The following HSD17B2 variants were observed in gnomAD, a reference collection of about 807,000 sequenced individuals.
HSD17B2 encodes the protein 17-beta-hydroxysteroid dehydrogenase type 2.
In HSD17B2, 32 loss-of-function variants were observed where a neutral mutation model predicts 26.9. The observed-to-expected ratio is 1.19, with a 90% CI of 0.90 to 1.60. The LOEUF is 1.60. Among genes scored for constraint, HSD17B2 ranks in the 40% most tolerant of loss-of-function variants. The pLI is 0.00. For missense variants in HSD17B2, 613 were observed against 468.6 expected, an observed-to-expected ratio of 1.31 and a Z score of -2.85; for synonymous variants, 246 against 186.7, an observed-to-expected ratio of 1.32 and a Z score of -2.59.
intron 3 of HSD17B2, 81 bp downstream of exon 3, chr16:82,071,208 A>C (rs1914691193): frequency 7.5e-7 from 1 of 1,335,348 alleles, no homozygotes; most frequent in Non-Finnish European, 1.1e-6. Context: ...GCGAACAAAA[A>C]TGCAGGGCAT....
At chr16:82,063,571 T>C (rs923251934) in intron 1 of HSD17B2, among the ~76,000 whole-genome samples, 2 of 152,162 alleles carry the variant, frequency 1.3e-5, no homozygotes, top group Middle Eastern at 3.2e-3. Context: ...CAGATTTAGT[T>C]AGGAGAGACT....
intron 1 of HSD17B2, among the ~76,000 whole-genome samples, chr16:82,055,936 T>A (rs1163711555): frequency 6.6e-6 from 1 of 152,200 alleles, no homozygotes; most frequent in Non-Finnish European, 1.5e-5. Context: ...CATGGTGGAA[T>A]GAGAAGTGTA....
intron 1 of HSD17B2, among the ~76,000 whole-genome samples, chr16:82,066,642 CTTTT>C (rs1914579145): frequency 6.6e-6 from 1 of 152,144 alleles, no homozygotes. Flanking sequence ...CTTCCAAATT[CTTTT>C]TTATTTTATT....
chr16:82,039,783 C>T (rs74481954), intron 1 of HSD17B2, among the ~76,000 whole-genome samples: 77 of 152,248 alleles, frequency 5.1e-4, no homozygotes, highest in African/African-American at 1.5e-3. Flanking sequence ...ACCGACTCAG[C>T]ATCTACTGTG....
intron 1 of HSD17B2, among the ~76,000 whole-genome samples, chr16:82,038,792 G>A (rs1054005745): frequency 6.6e-6 from 1 of 152,184 alleles, no homozygotes; most frequent in Non-Finnish European, 1.5e-5. Context: ...AGCCAGGTAA[G>A]GGTGAGACAT....
At chr16:82,072,359 A>C (rs1339906889) in intron 3 of HSD17B2, among the ~76,000 whole-genome samples, 2 of 152,190 alleles carry the variant, frequency 1.3e-5, no homozygotes, top group Non-Finnish European at 2.9e-5. Flanking sequence ...TCCTGAGAAA[A>C]CACACAGCAA....
intron 3 of HSD17B2, among the ~76,000 whole-genome samples, chr16:82,074,510 A>G (rs1451068805): frequency 6.6e-6 from 1 of 152,256 alleles, no homozygotes; most frequent in African/African-American, 2.4e-5. Flanking sequence ...GGAAAAAGAT[A>G]TTTCATGCAA....
chr16:82,062,261 C>G (rs1344396401), intron 1 of HSD17B2, among the ~76,000 whole-genome samples: 3 of 152,152 alleles, frequency 2.0e-5, no homozygotes, highest in Admixed American at 6.5e-5. Context: ...TAGTCATTGC[C>G]TGTCCCAAGT....
At chr16:82,066,927 T>C (rs764067423) in intron 1 of HSD17B2, among the ~76,000 whole-genome samples, 2 of 152,232 alleles carry the variant, frequency 1.3e-5, no homozygotes, top group Non-Finnish European at 2.9e-5. Context: ...TTTTATACAG[T>C]GTTGTAAAGA....
chr16:82,076,781 T>C (rs1164897964), intron 3 of HSD17B2, among the ~76,000 whole-genome samples: 1 of 152,170 alleles, frequency 6.6e-6, no homozygotes, highest in South Asian at 2.1e-4. Context: ...GGTTTCATAA[T>C]GTTGGCCAGG....
At chr16:82,037,596 A>G (rs534978530) in intron 1 of HSD17B2, among the ~76,000 whole-genome samples, 26 of 152,368 alleles carry the variant, frequency 1.7e-4, no homozygotes, top group African/African-American at 6.3e-4. Context: ...ATATGAAAAA[A>G]AGAGTAGAAG....
intron 1 of HSD17B2, among the ~76,000 whole-genome samples, chr16:82,067,855 T>C (rs1279907743): frequency 6.6e-6 from 1 of 152,244 alleles, no homozygotes; most frequent in Non-Finnish European, 1.5e-5. Context: ...ATTGGATGCC[T>C]TGGTTTTCCT....
chr16:82,077,120 CA>C (rs1904306631), intron 3 of HSD17B2, among the ~76,000 whole-genome samples: 1 of 152,100 alleles, frequency 6.6e-6, no homozygotes, highest in South Asian at 2.1e-4. Flanking sequence ...CAATGCAATC[CA>C]TATCCAAATA....
intron 1 of HSD17B2, among the ~76,000 whole-genome samples, chr16:82,036,830 G>A (rs1913639008): frequency 6.6e-6 from 1 of 152,078 alleles, no homozygotes; most frequent in Non-Finnish European, 1.5e-5. Flanking sequence ...TGGGAGTCTG[G>A]CTGGATTTTC....
chr16:82,057,357 C>T (rs1048660904), intron 1 of HSD17B2, among the ~76,000 whole-genome samples: 2 of 152,116 alleles, frequency 1.3e-5, no homozygotes, highest in Admixed American at 6.5e-5. Context: ...CACCAACATG[C>T]CCGGCTACTT....
intron 3 of HSD17B2, among the ~76,000 whole-genome samples, chr16:82,084,241 G>A (rs771566566): frequency 6.6e-6 from 1 of 152,092 alleles, no homozygotes; most frequent in Non-Finnish European, 1.5e-5. Context: ...CATTTTGGTG[G>A]GGAGAATTCT....
rs563239803 is a variant in HSD17B2, at chr16:82,082,799, G to A, written c.665-8103G>A. Among the ~76,000 whole-genome samples, 59 of 152,234 alleles carry A rather than the reference G, an allele frequency of 3.9e-4. No homozygotes were observed. In the South Asian group the frequency reaches 0.012, roughly 30 times the overall value. The stretch of plus-strand genomic sequence containing the variant: ...TTATGAAGGATCCATTACATTTCAG[G>A]CATTTGTTGAATGCTCTCAGGTATA... On this transcript the variant is annotated intron_variant, in intron 3 of 4. Transcript: ENST00000199936.
chr16:82,049,588 T>C (rs1263579235), intron 1 of HSD17B2, among the ~76,000 whole-genome samples: 2 of 152,094 alleles, frequency 1.3e-5, no homozygotes, highest in East Asian at 3.9e-4. Flanking sequence ...ACAAGAGAGA[T>C]TGCAAACATT....
intron 3 of HSD17B2, among the ~76,000 whole-genome samples, chr16:82,081,439 A>C (rs1051186686): frequency 6.6e-6 from 1 of 151,938 alleles, no homozygotes; most frequent in Non-Finnish European, 1.5e-5. Flanking sequence ...CAGACTCTCA[A>C]TACTTTTCTC....
Sources: gnomAD v4.1 joint callset for allele counts (sites outside exome capture counted in the v4.1 genomes callset) on GRCh38, gnomAD v4.1.1 for gene constraint, MANE v1.5 for transcripts, NCBI Gene and HGNC (gene_info 2026-07-23, HGNC 2026-07-21) for gene names.